SUN3: variants seen among roughly 807,000 people sequenced by gnomAD.
The protein encoded by SUN3 is Sad1 and UNC84 domain containing 3.
In SUN3, 36 loss-of-function variants were observed where a neutral mutation model predicts 48.2. The ratio of observed to expected loss-of-function variants is 0.75; its 90% CI spans 0.57 to 0.99. The LOEUF is 0.99. SUN3 is among the 50% of genes least tolerant of loss of function. The pLI is 0.00. For synonymous variants in SUN3, 148 were observed against 147.9 expected (o/e 1.00, Z 0.00); for missense variants, 419 against 433.1 (o/e 0.97, Z 0.29).
intron 4 of SUN3, 61 bp downstream of exon 4, chr7:48,008,974 A>G: frequency 6.5e-7 from 1 of 1,527,084 alleles, no homozygotes; most frequent in Non-Finnish European, 8.9e-7. Flanking sequence ...TTTCTGTACG[A>G]AAACATTTCA....
At chr7:48,016,960 A>G (rs1562610900) in intron 3 of SUN3, among the ~76,000 whole-genome samples, 1 of 152,162 alleles carries the variant, frequency 6.6e-6, no homozygotes, top group Non-Finnish European at 1.5e-5. Context: ...TTTTATTAGG[A>G]GCCCACTCTT....
At chr7:48,022,842 T>C (rs1334481308) in intron 2 of SUN3, among the ~76,000 whole-genome samples, 1 of 152,050 alleles carries the variant, frequency 6.6e-6, no homozygotes, top group East Asian at 1.9e-4. Context: ...TCAGAAACTA[T>C]AGAGGCCAGA....
At chr7:48,010,680 C>A (rs751142040) in intron 3 of SUN3, among the ~76,000 whole-genome samples, 3 of 152,174 alleles carry the variant, frequency 2.0e-5, no homozygotes, top group Non-Finnish European at 4.4e-5. Flanking sequence ...GACACCTCTG[C>A]CTTTAAGGAT....
chr7:48,032,767 C>T (rs1049553490), upstream of SUN3, among the ~76,000 whole-genome samples: 1 of 152,166 alleles, frequency 6.6e-6, no homozygotes, highest in African/African-American at 2.4e-5. Flanking sequence ...GGGAATTATA[C>T]AAGGGCTTTC....
chr7:47,988,602 CATTTGT>C (rs1788963579), intron 9 of SUN3, among the ~76,000 whole-genome samples, 180 bp downstream of exon 9: 1 of 152,174 alleles, frequency 6.6e-6, no homozygotes, highest in Non-Finnish European at 1.5e-5. Context: ...ACTGCTTTTG[CATTTGT>C]CTGTCTTTTG....
At chr7:48,019,979 A>C (rs1242052240) in intron 2 of SUN3, among the ~76,000 whole-genome samples, 1 of 92,432 alleles carries the variant, frequency 1.1e-5, no homozygotes, top group African/African-American at 1.0e-4. Flanking sequence ...AGACACATCA[A>C]AAAAAAAAAA....
At chr7:48,007,615 C>T (rs933430281) in intron 4 of SUN3, among the ~76,000 whole-genome samples, 4 of 152,158 alleles carry the variant, frequency 2.6e-5, no homozygotes, top group Admixed American at 6.5e-5. Flanking sequence ...AGCTGGGTAA[C>T]GTCACACAGG....
chr7:48,025,982 T>A, intron 1 of SUN3, 44 bp from the exon 2 acceptor site: 1 of 1,379,502 alleles, frequency 7.2e-7, no homozygotes, highest in Non-Finnish European at 1.0e-6. Context: ...TTTAACAACA[T>A]CATGCATTTA....
upstream of SUN3, chr7:48,029,170 A>G: frequency 1.9e-6 from 1 of 519,478 alleles, no homozygotes; most frequent in Non-Finnish European, 3.3e-6. Context: ...ACGCCCAGCC[A>G]GGGCATGGAC....
chr7:48,005,009 G>A (rs755177592), intron 6 of SUN3, among the ~76,000 whole-genome samples: 5 of 152,200 alleles, frequency 3.3e-5, no homozygotes, highest in Non-Finnish European at 7.3e-5. Flanking sequence ...CTACAGAGAA[G>A]CCCGAGCATT....
Position 48,029,053 on chromosome 7 carries a change from T to C in SUN3, c.-115A>G. 2 of 1,451,420 alleles carry C rather than the reference T, an allele frequency of 1.4e-6. No individual in the cohort carries two copies. The highest frequency in any genetic ancestry group is 1.9e-6 in the Non-Finnish European group (2 of 1,071,446). The allele number at this position is 1,451,420 out of a possible 1,614,324, so 89.9% of individuals were successfully genotyped here. A position where few individuals can be genotyped will look rare whatever the true frequency, so the allele number is the denominator to read the frequency against. On this transcript the variant is annotated 5_prime_UTR_variant, in exon 1 of 10. Coordinates refer to ENST00000297325, the MANE Select transcript of SUN3 (RefSeq NM_001030019.2). ...CAGTTTCTAAATTTGTTTTGTATAA[T>C]GTCTTCTTCCTCCACGGGTGTTTCT...
chr7:48,006,816 T>G (rs990424891), intron 5 of SUN3, among the ~76,000 whole-genome samples: 1 of 152,246 alleles, frequency 6.6e-6, no homozygotes, highest in African/African-American at 2.4e-5. Context: ...CTAGACTAAC[T>G]ACATTAGCTA....
chr7:47,990,003 TA>T (rs879844521), intron 8 of SUN3, among the ~76,000 whole-genome samples: 36 of 152,320 alleles, frequency 2.4e-4, no homozygotes, highest in Non-Finnish European at 4.4e-4. Context: ...GAAAGCCAGG[TA>T]TTGTCCAAGG....
At chr7:48,015,353 TG>T in intron 3 of SUN3, among the ~76,000 whole-genome samples, 1 of 152,192 alleles carries the variant, frequency 6.6e-6, no homozygotes, top group African/African-American at 2.4e-5. Flanking sequence ...TCTCAGCATA[TG>T]CAGACTGAGT....
intron 5 of SUN3, 49 bp from the exon 6 acceptor site, chr7:48,006,102 C>G (rs369154467): frequency 7.5e-7 from 1 of 1,326,694 alleles, no homozygotes; most frequent in East Asian, 2.3e-5. Context: ...TTGCCAACTG[C>G]TTGAGTTTTG....
At chr7:48,005,887 A>C (rs1789511363) in intron 6 of SUN3, 82 bp downstream of exon 6, 2 of 766,126 alleles carry the variant, frequency 2.6e-6, no homozygotes, top group Non-Finnish European at 4.1e-6. Flanking sequence ...TGTTTTCCTC[A>C]TAAACAAATG....
upstream of SUN3, among the ~76,000 whole-genome samples, chr7:48,030,439 G>A (rs929337792): frequency 1.3e-5 from 2 of 152,134 alleles, no homozygotes; most frequent in East Asian, 3.8e-4. Flanking sequence ...TTTCAAAGAT[G>A]TGATACACAT....
At chr7:48,014,075 G>T (rs1414141154) in intron 3 of SUN3, among the ~76,000 whole-genome samples, 3 of 152,116 alleles carry the variant, frequency 2.0e-5, no homozygotes, top group African/African-American at 7.2e-5. Context: ...AAGTGATCCT[G>T]CCACCTCAGC....
intron 2 of SUN3, among the ~76,000 whole-genome samples, chr7:48,023,799 T>G (rs1006207432): frequency 2.0e-5 from 3 of 152,206 alleles, no homozygotes; most frequent in Non-Finnish European, 4.4e-5. Context: ...GATTTACTAC[T>G]GCTAAGATGG....
Sources: allele counts gnomAD v4.1 joint callset (sites outside exome capture counted in the v4.1 genomes callset), GRCh38; gene constraint gnomAD v4.1.1; transcripts MANE v1.5; gene names NCBI Gene and HGNC (gene_info 2026-07-23, HGNC 2026-07-21).